The following ABCC5 variants were observed in gnomAD, a reference collection of about 807,000 sequenced individuals.
The protein encoded by ABCC5 is ATP binding cassette subfamily C member 5, also known as ATP-binding cassette sub-family C member 5.
A neutral mutation model predicts 160.9 loss-of-function variants in ABCC5; 61 were observed. That is an observed-to-expected ratio of 0.38 (90% CI 0.31 to 0.47). The LOEUF is 0.47. Among genes scored for constraint, ABCC5 ranks in the 20% least tolerant of loss-of-function variants. The probability of loss-of-function intolerance (pLI) is 0.99; values close to 1 mark genes in which losing one functional copy is unlikely to be tolerated. For synonymous variants in ABCC5, 666 were observed against 700.6 expected (o/e 0.95, Z 0.78); for missense variants, 1,308 against 1,813.3 (o/e 0.72, Z 5.06).
rs1220368200 is a variant in ABCC5, at chr3:183,966,450, C to T, written c.1834-949G>A. 3.9e-5 allele frequency among the ~76,000 whole-genome samples: 6 copies of T among 152,250 alleles called. No individual in the cohort carries two copies. In the East Asian group the frequency reaches 1.2e-3, roughly 29 times the overall value. On this transcript the variant is annotated intron_variant, in intron 12 of 29. Coordinates refer to ENST00000334444, the MANE Select transcript of ABCC5 (RefSeq NM_005688.4). ...GGGCTGACCAGCCCAACCCGTTTCC[C>T]TGCCAGAGACAGGGTTGCCAGGATT... is the stretch of plus-strand genomic sequence containing the variant.
chr3:183,932,298 G>T (rs899141909), intron 26 of ABCC5, among the ~76,000 whole-genome samples: 1 of 152,160 alleles, frequency 6.6e-6, no homozygotes, highest in East Asian at 1.9e-4. Flanking sequence ...GTCAGATTAG[G>T]TGAAAAAAGT....
chr3:183,944,509 T>C (rs1714664733), intron 24 of ABCC5, among the ~76,000 whole-genome samples: 1 of 152,210 alleles, frequency 6.6e-6, no homozygotes, highest in South Asian at 2.1e-4. Flanking sequence ...TCTTCACATA[T>C]AAACAATGAC....
In ABCC5 at chr3:183,977,574, T is replaced by G; in HGVS notation, c.1347A>C (p.Val449=). ...AGAGGGACTTTACTGAAAACGGTGT[T>G]ACTTTCAAAGCAAAAGTCATGGAAT... The part of the protein sequence containing the change: ...VFNSMTFALK[V]TPFSVKSLSE... The change falls in exon 10 of 30, where the codon GTA becomes GTC. Residue 449 remains valine, a synonymous_variant. Coordinates refer to ENST00000334444, the MANE Select transcript of ABCC5 (RefSeq NM_005688.4). The G allele has an allele frequency of 6.2e-7, 1 of 1,614,126 alleles. No homozygotes were observed. The highest frequency in any genetic ancestry group is 8.5e-7 in the Non-Finnish European group (1 of 1,179,986).
At chr3:184,004,388 T>C (rs942436912) in intron 2 of ABCC5, among the ~76,000 whole-genome samples, 1 of 150,938 alleles carries the variant, frequency 6.6e-6, no homozygotes, top group African/African-American at 2.4e-5. Flanking sequence ...TGCACACCTG[T>C]AATCCCAGGT....
At chr3:183,922,532 CAG>C (rs1010524663) in intron 29 of ABCC5, among the ~76,000 whole-genome samples, 5 of 152,148 alleles carry the variant, frequency 3.3e-5, no homozygotes, top group Admixed American at 6.5e-5. Flanking sequence ...GTCTAGTTGT[CAG>C]GGGAGAAAAA....
In ABCC5 at chr3:183,949,679, G is replaced by A. The variant is rs1715161987; in HGVS notation, c.3227+74C>T. On this transcript the variant is annotated intron_variant, in intron 22 of 29. Transcript: ENST00000334444. The surrounding 1 kb of genome is among the most constrained non-coding windows in gnomAD (Gnocchi z 4.2). Reference sequence around the variant, plus strand: ...TATAATCCCCATCTCTGGCCTTGAAGAGCCTCCCGGACAAGTATCAAACGC... The same window carrying A: ...TATAATCCCCATCTCTGGCCTTGAAAAGCCTCCCGGACAAGTATCAAACGC... The A allele has an allele frequency of 4.5e-6, 7 of 1,551,156 alleles. No individual in the cohort carries two copies. Among genetic ancestry groups the A allele is most frequent in the Non-Finnish European group, 6.1e-6 (7 of 1,145,484 alleles).
Position 184,017,573 on chromosome 3 carries a change from G to T in ABCC5, c.-56+257C>A, listed in dbSNP as rs1722295799. On this transcript the variant is annotated intron_variant, in intron 1 of 29. Coordinates refer to ENST00000334444, the MANE Select transcript of ABCC5 (RefSeq NM_005688.4). The surrounding 1 kb of genome is among the most constrained non-coding windows in gnomAD (Gnocchi z 4.5). The stretch of plus-strand genomic sequence containing the variant: ...GCGGCCGCGGCCAGGGACGTAGCCC[G>T]CGTCCCTGCCCGCTCATCCCGATCC... The T allele has an allele frequency of 6.7e-6, 1 of 149,940 alleles. No homozygotes were observed. Among genetic ancestry groups the T allele is most frequent in the Non-Finnish European group, 1.5e-5 (1 of 67,718 alleles). The allele number at this position is 149,940 out of a possible 1,614,324, so 9.3% of individuals were successfully genotyped here.
intron 11 of ABCC5, among the ~76,000 whole-genome samples, chr3:183,970,598 G>A (rs1717650897): frequency 6.6e-6 from 1 of 151,942 alleles, no homozygotes; most frequent in African/African-American, 2.4e-5. Context: ...GCGTACAGCT[G>A]GCTAATTTTC....
chr3:183,944,290 G>A (rs894656139), intron 24 of ABCC5, among the ~76,000 whole-genome samples: 45 of 152,102 alleles, frequency 3.0e-4, no homozygotes, highest in African/African-American at 1.0e-3. Context: ...GTTACTTGGC[G>A]GGGCTGAGGT....
chr3:183,928,946 C>A, intron 26 of ABCC5, 121 bp from the exon 27 acceptor site: 1 of 719,970 alleles, frequency 1.4e-6, no homozygotes, highest in South Asian at 1.8e-5. Flanking sequence ...CCCTGATGGT[C>A]ACAGACGGCT....
At chr3:184,001,205 G>A (rs1171489627) in intron 2 of ABCC5, 2 of 525,662 alleles carry the variant, frequency 3.8e-6, no homozygotes, top group Non-Finnish European at 6.8e-6. Flanking sequence ...GTGAGCCATG[G>A]TCATGCCACC....
At chr3:183,927,164 A>G (rs549597245) in intron 28 of ABCC5, among the ~76,000 whole-genome samples, 166 bp downstream of exon 28, 3 of 152,342 alleles carry the variant, frequency 2.0e-5, no homozygotes, top group East Asian at 3.9e-4. Context: ...CCTCCCCAGA[A>G]CCAATATACC....
chr3:183,934,039 C>G (rs1477199614), intron 26 of ABCC5, among the ~76,000 whole-genome samples: 1 of 152,222 alleles, frequency 6.6e-6, no homozygotes, highest in Non-Finnish European at 1.5e-5. Context: ...GGCGCGGTGG[C>G]TCACACCTGT....
rs369058177 is a variant in ABCC5, at chr3:183,988,637, C to T, written c.378G>A (p.Gly126=). ...SSLARVAHKK[G]ELSMEDVWSL... ...ACCACACGTCTTCCATTGAGAGCTC[C>T]CCCTTCTTGTGGGCCACACGGGCCA... The change falls in exon 4 of 30, where the codon GGG becomes GGA. Residue 126 remains glycine, a synonymous_variant. Coordinates refer to ENST00000334444, the MANE Select transcript of ABCC5 (RefSeq NM_005688.4). This position sits in a 1 kb window ranked among gnomAD's most constrained non-coding sequence, Gnocchi z 4.4. 6.2e-7 allele frequency: 1 copy of T among 1,614,126 alleles called. No homozygotes were observed. Among genetic ancestry groups the T allele is most frequent in the Non-Finnish European group, 8.5e-7 (1 of 1,180,046 alleles).
At chr3:183,937,629 C>T (rs1265273912) in intron 26 of ABCC5, among the ~76,000 whole-genome samples, 1 of 152,168 alleles carries the variant, frequency 6.6e-6, no homozygotes, top group Non-Finnish European at 1.5e-5. Flanking sequence ...ATAACTTGTC[C>T]GAAGTCACGG....
intron 25 of ABCC5, 64 bp from the exon 26 acceptor site, chr3:183,938,124 T>G: frequency 1.9e-6 from 3 of 1,548,132 alleles, no homozygotes; most frequent in Non-Finnish European, 2.7e-6. Context: ...CAATGCTGGT[T>G]TAGCCTCAGG....
rs1246012349 is a variant in ABCC5, at chr3:183,971,743, T to C, written c.1581A>G (p.Lys527=). ...KKDKRASRGK[K]EKVRQLQRTE... ...TGCGCTGCAGCTGCCTCACCTTCTCTTTCTTGCCCCTGGAAGCCCTCTTGT... is the reference window on the plus strand; with the variant it reads ...TGCGCTGCAGCTGCCTCACCTTCTCCTTCTTGCCCCTGGAAGCCCTCTTGT... The change falls in exon 11 of 30, where the codon AAA becomes AAG. Residue 527 remains lysine, a synonymous_variant. Transcript: ENST00000334444. The C allele has an allele frequency of 2.5e-6, 4 of 1,614,102 alleles. No individual in the cohort carries two copies. Among genetic ancestry groups the C allele is most frequent in the Non-Finnish European group, 2.5e-6 (3 of 1,180,042 alleles).
In ABCC5 at chr3:183,978,512, T is replaced by A; in HGVS notation, c.1287A>T (p.Thr429=). Residue 429 remains threonine (T), a synonymous_variant, in exon 9 of 30, where the codon ACA becomes ACT. Transcript: ENST00000334444. ...CTGAGGGTTCCCTGACCTGTGCTGC[T>A]GTCAGATCGAAGCCCAGGGTCATAT... ...SVHMTLGFDL[T]AAQAFTVVTV... The A allele has an allele frequency of 6.2e-7, 1 of 1,613,890 alleles. No individual in the cohort carries two copies. Among genetic ancestry groups the A allele is most frequent in the Non-Finnish European group, 8.5e-7 (1 of 1,179,972 alleles).
intron 1 of ABCC5, among the ~76,000 whole-genome samples, chr3:184,016,908 A>G (rs1722238426): frequency 6.6e-6 from 1 of 152,216 alleles, no homozygotes; most frequent in East Asian, 1.9e-4. Context: ...TGGTGTGTGC[A>G]AGCTGCAGTC....
Sources: allele counts gnomAD v4.1 joint callset (sites outside exome capture counted in the v4.1 genomes callset), GRCh38; gene constraint gnomAD v4.1.1; non-coding constraint Gnocchi (gnomAD v3.1); transcripts MANE v1.5; gene names NCBI Gene and HGNC (gene_info 2026-07-23, HGNC 2026-07-21).